DIAPH1: variants seen among roughly 807,000 people sequenced by gnomAD.
DIAPH1 encodes the protein protein diaphanous homolog 1.
Under a neutral mutation model 140.7 loss-of-function variants are expected in DIAPH1, and 46 were observed. That is an observed-to-expected ratio of 0.33 (90% confidence interval 0.26 to 0.42). The LOEUF (loss-of-function observed/expected upper bound fraction) is 0.42, where lower values mean the gene tolerates loss of function less well. DIAPH1 is among the 10% of genes least tolerant of loss of function. The probability of loss-of-function intolerance (pLI) is 1.00; values close to 1 mark genes in which losing one functional copy is unlikely to be tolerated. For synonymous variants in DIAPH1, 565 were observed against 551.6 expected (o/e 1.02, Z -0.34); for missense variants, 1,310 against 1,558.7 (o/e 0.84, Z 2.69).
intron 18 of DIAPH1, among the ~76,000 whole-genome samples, chr5:141,538,653 G>A (rs1329859598): frequency 1.3e-5 from 2 of 150,910 alleles, no homozygotes; most frequent in Non-Finnish European, 3.0e-5. Context: ...GGCTGGTCTC[G>A]AACTCCTGAC....
rs1368562108 is a variant in DIAPH1, at chr5:141,565,653, T to C, written c.2482+5775A>G. On this transcript the variant is annotated intron_variant, in intron 18 of 27. Transcript: ENST00000389054. This position sits in a 1 kb window ranked among gnomAD's most constrained non-coding sequence, Gnocchi z 4.3. ...AAACATCCCCAACTGAGAATGAGGA[T>C]GAGGGAGGTTTGGGCTGTTGAGGAG... Among the ~76,000 whole-genome samples, 4 of 152,066 alleles carry C rather than the reference T, an allele frequency of 2.6e-5. No individual in the cohort carries two copies. Among genetic ancestry groups the C allele is most frequent in the Non-Finnish European group, 4.4e-5 (3 of 68,002 alleles).
At chr5:141,529,324 A>G in intron 20 of DIAPH1, 51 bp from the exon 21 acceptor site, 2 of 1,420,204 alleles carry the variant, frequency 1.4e-6, no homozygotes, top group Non-Finnish European at 2.0e-6. Flanking sequence ...CTAACAACTC[A>G]AGCCTAAACA....
At chr5:141,556,984 C>T (rs577168544) in intron 18 of DIAPH1, among the ~76,000 whole-genome samples, 5 of 152,168 alleles carry the variant, frequency 3.3e-5, no homozygotes, top group African/African-American at 1.2e-4. Context: ...CGTGAGTCAC[C>T]GCGCCTGGCA....
intron 27 of DIAPH1, among the ~76,000 whole-genome samples, chr5:141,523,182 G>A (rs543204241): frequency 5.5e-4 from 83 of 152,208 alleles, no homozygotes; most frequent in Non-Finnish European, 7.8e-4. Flanking sequence ...CTATCAAATG[G>A]GCCTACACAA....
intron 13 of DIAPH1, 94 bp downstream of exon 13, chr5:141,576,662 G>A: frequency 3.3e-6 from 3 of 901,938 alleles, no homozygotes; most frequent in Non-Finnish European, 5.6e-6. Context: ...CTGGGGACTG[G>A]AAAGGTATCT....
chr5:141,537,163 A>G (rs1380794212), intron 18 of DIAPH1, among the ~76,000 whole-genome samples: 2 of 151,984 alleles, frequency 1.3e-5, no homozygotes, highest in Non-Finnish European at 2.9e-5. Flanking sequence ...GAGAGTCCCT[A>G]GTCTCCAAAA....
At position 141,526,109 on chromosome 5, in the gene DIAPH1, G is replaced by A. The variant is rs2099887296; in HGVS notation, c.3503C>T (p.Ala1168Val). ...TEEKMRRAKLAKEKAEKERLE... is the reference protein window; with the variant it reads ...TEEKMRRAKLVKEKAEKERLE... ...CCGCTCCTTCTCTGCCTTCTCCTTG[G>A]CTAGTTTTGCTCGCCTCATCTTTTC... Residue 1168 changes from alanine (A) to valine (V), a missense_variant, in exon 26 of 28, where the codon GCC becomes GTC. Transcript: ENST00000389054. 6.2e-7 allele frequency: 1 copy of A among 1,613,840 alleles called. No homozygotes were observed. The highest frequency in any genetic ancestry group is 8.5e-7 in the Non-Finnish European group (1 of 1,180,018).
chr5:141,552,195 T>G (rs1445550779), intron 18 of DIAPH1, among the ~76,000 whole-genome samples: 1 of 148,112 alleles, frequency 6.8e-6, no homozygotes, highest in Non-Finnish European at 1.5e-5. Context: ...TTTTTGTTGT[T>G]TTTTTTTTTT....
rs567842522 is a variant in DIAPH1 at position 141,583,778 on chromosome 5, T to C, written c.403-163A>G. Among the ~76,000 whole-genome samples, 69 of 152,300 alleles carry C rather than the reference T, an allele frequency of 4.5e-4. 2 individuals are homozygous for C. The highest frequency in any genetic ancestry group is 6.8e-3 in the Middle Eastern group (2 of 294). ...CTGATTTCAAACTCCTGGGCTCAAG[T>C]GATCCTTCTGCCTCAGCCTCCCAAA... On this transcript the variant is annotated intron_variant, in intron 4 of 27. Transcript: ENST00000389054.
At chr5:141,606,833 C>T (rs2099901053) in intron 1 of DIAPH1, among the ~76,000 whole-genome samples, 1 of 151,824 alleles carries the variant, frequency 6.6e-6, no homozygotes, top group South Asian at 2.1e-4. Flanking sequence ...CATATAGTTA[C>T]ATTAGTGATT....
intron 18 of DIAPH1, among the ~76,000 whole-genome samples, chr5:141,547,886 A>T (rs1490383263): frequency 6.6e-6 from 1 of 152,222 alleles, no homozygotes; most frequent in Admixed American, 6.5e-5. Flanking sequence ...AAACTGCTAA[A>T]AATCAGAGTT....
rs2099898432 is a variant in DIAPH1 at position 141,591,681 on chromosome 5, G to A, written c.118-3431C>T. ...CTCTCGCCTTTAGATGGAAAAGGAA[G>A]GAAGGGAGATGGGGATATATATATA... On this transcript the variant is annotated intron_variant, in intron 1 of 27. Coordinates refer to ENST00000389054, the MANE Select transcript of DIAPH1 (RefSeq NM_005219.5). 2.1e-5 allele frequency among the ~76,000 whole-genome samples: 2 copies of A among 93,392 alleles called. 1 individual carries two copies. Among genetic ancestry groups the A allele is most frequent in the Admixed American group, 2.1e-4 (2 of 9,560 alleles). The allele number at this position is 93,392 out of a possible 152,430, so 61.3% of individuals were successfully genotyped here. A position where few individuals can be genotyped will look rare whatever the true frequency, so the allele number is the denominator to read the frequency against.
chr5:141,544,179 G>A (rs1393617558), intron 18 of DIAPH1, among the ~76,000 whole-genome samples: 6 of 151,942 alleles, frequency 3.9e-5, no homozygotes, highest in African/African-American at 7.2e-5. Flanking sequence ...GCGTGGTGGC[G>A]GGCACCTGTA....
At chr5:141,521,229 G>C (rs1335935114) in intron 27 of DIAPH1, among the ~76,000 whole-genome samples, 1 of 152,172 alleles carries the variant, frequency 6.6e-6, no homozygotes, top group Non-Finnish European at 1.5e-5. Flanking sequence ...AGGGAAGCTG[G>C]GAAATGGTAG....
At position 141,618,874 on chromosome 5, in the gene DIAPH1, G is replaced by GTCCCGCGGCCGGGCCCCAGGC; in HGVS notation, c.20_40dup (p.Ser7_Gly13dup). The GTCCCGCGGCCGGGCCCCAGGC allele has an allele frequency of 6.6e-7, 1 of 1,522,732 alleles. No homozygotes were observed. The highest frequency in any genetic ancestry group is 8.8e-7 in the Non-Finnish European group (1 of 1,135,054). 94.3% of individuals were successfully genotyped at this position (1,522,732 alleles called of 1,614,324 possible). A position where few individuals can be genotyped will look rare whatever the true frequency, so the allele number is the denominator to read the frequency against. ...GCTCCGGCCCTTCTTCTTGTCCCGG[G>GTCCCGCGGCCGGGCCCCAGGC]TCCCGCGGCCGGGCCCCAGGCTCCC... On this transcript the variant is annotated inframe_insertion, in exon 1 of 28. Transcript: ENST00000389054.
intron 19 of DIAPH1, among the ~76,000 whole-genome samples, chr5:141,533,082 G>A (rs2099888482): frequency 1.3e-5 from 2 of 152,088 alleles, no homozygotes; most frequent in South Asian, 4.1e-4. Context: ...TGTACTTATT[G>A]GCTGTGTGAT....
At chr5:141,539,541 A>G (rs1470949480) in intron 18 of DIAPH1, among the ~76,000 whole-genome samples, 1 of 149,434 alleles carries the variant, frequency 6.7e-6, no homozygotes, top group Non-Finnish European at 1.5e-5. Flanking sequence ...AAGTGCTGGG[A>G]TTACAGGCGT....
intron 18 of DIAPH1, among the ~76,000 whole-genome samples, chr5:141,553,745 G>T (rs746058647): frequency 1.0e-3 from 156 of 152,024 alleles, no homozygotes; most frequent in Non-Finnish European, 1.1e-3. Flanking sequence ...ATTAGAATAA[G>T]AATAATAAAA....
rs1311338049 is a variant in DIAPH1 at position 141,565,308 on chromosome 5, A to G, written c.2482+6120T>C. ...TTAATTCCCTTGCCCCTTTTCCAGT[A>G]AAGTTTTATTCAAAAATTTACCTTT... is the stretch of plus-strand genomic sequence containing the variant. On this transcript the variant is annotated intron_variant, in intron 18 of 27. Transcript: ENST00000389054. The surrounding 1 kb of genome is among the most constrained non-coding windows in gnomAD (Gnocchi z 4.3). 6.6e-6 allele frequency: 1 copy of G among 152,328 alleles called. No individual in the cohort carries two copies. Among genetic ancestry groups the G allele is most frequent in the Non-Finnish European group, 1.5e-5 (1 of 68,022 alleles). The allele number at this position is 152,328 out of a possible 1,614,324, so 9.4% of individuals were successfully genotyped here.
Sources: allele counts gnomAD v4.1 joint callset (sites outside exome capture counted in the v4.1 genomes callset), GRCh38; gene constraint gnomAD v4.1.1; non-coding constraint Gnocchi (gnomAD v3.1); transcripts MANE v1.5; gene names NCBI Gene and HGNC (gene_info 2026-07-23, HGNC 2026-07-21).